AGTPBP1: variants seen among roughly 807,000 people sequenced by gnomAD.
AGTPBP1 encodes ATP/GTP binding carboxypeptidase 1.
A neutral mutation model predicts 143.9 loss-of-function variants in AGTPBP1; 70 were observed. The observed-to-expected ratio is 0.49, with a 90% confidence interval of 0.40 to 0.59. The LOEUF is 0.59. Among genes scored for constraint, AGTPBP1 ranks in the 20% least tolerant of loss-of-function variants. The pLI is 0.00. For synonymous variants in AGTPBP1, 463 were observed against 500.2 expected (o/e 0.93, Z 0.99); for missense variants, 1,229 against 1,464.5 (o/e 0.84, Z 2.62).
Position 85,651,336 on chromosome 9 carries a change from G to A in AGTPBP1, c.1087+3807C>T, listed in dbSNP as rs145900029. On this transcript the variant is annotated intron_variant, in intron 11 of 25. Coordinates refer to ENST00000357081, the MANE Select transcript of AGTPBP1 (RefSeq NM_001330701.2). ...TCCAGATGTTACCTTTACATTTGGCGAATATACATTTGGATTATTTGTATA... is the reference window on the plus strand; with the variant it reads ...TCCAGATGTTACCTTTACATTTGGCAAATATACATTTGGATTATTTGTATA... Among the ~76,000 whole-genome samples, 8 of 152,180 alleles carry A rather than the reference G, an allele frequency of 5.3e-5. No homozygotes were observed. The South Asian group carries it at 1.2e-3, about 24-fold the overall frequency.
At chr9:85,699,789 G>A (rs957098606) in intron 2 of AGTPBP1, among the ~76,000 whole-genome samples, 3 of 151,972 alleles carry the variant, frequency 2.0e-5, no homozygotes, top group African/African-American at 4.8e-5. Context: ...TACTAAACAC[G>A]TAACTGTTTT....
intron 2 of AGTPBP1, among the ~76,000 whole-genome samples, chr9:85,707,625 G>C (rs1215324393): frequency 6.6e-6 from 1 of 152,110 alleles, no homozygotes; most frequent in Admixed American, 6.5e-5. Context: ...CAACATAGAA[G>C]AAATGAACAA....
chr9:85,780,142 A>G, the AGTPBP1 span, among the ~76,000 whole-genome samples: 1 of 152,102 alleles, frequency 6.6e-6, no homozygotes, highest in Non-Finnish European at 1.5e-5. Context: ...CATTTTATAA[A>G]TATGCCAGTA....
the AGTPBP1 span, among the ~76,000 whole-genome samples, chr9:85,778,706 C>T: frequency 5.6e-4 from 85 of 152,334 alleles, no homozygotes; most frequent in Non-Finnish European, 9.8e-4. Context: ...CCGAATGCAG[C>T]AACTTATCCT....
At chr9:85,579,574 T>G (rs1051012377) in intron 23 of AGTPBP1, among the ~76,000 whole-genome samples, 1 of 138,392 alleles carries the variant, frequency 7.2e-6, no homozygotes, top group East Asian at 2.3e-4. Context: ...AAGTATACCC[T>G]GAGAAATTGT....
chr9:85,604,066 C>T (rs753738982), intron 17 of AGTPBP1, among the ~76,000 whole-genome samples: 15 of 152,130 alleles, frequency 9.9e-5, no homozygotes, highest in Non-Finnish European at 1.9e-4. Flanking sequence ...AAGTTCATTG[C>T]CCTAAAGGGC....
intron 10 of AGTPBP1, among the ~76,000 whole-genome samples, chr9:85,656,805 G>A (rs4877946): frequency 0.25 from 37,368 of 151,912 alleles, 5,213 homozygotes; most frequent in East Asian, 0.52. Flanking sequence ...GCAGGAAAAC[G>A]TGCAGAATAC....
At chr9:85,744,344 G>T (rs1012086816), upstream of AGTPBP1, among the ~76,000 whole-genome samples, 8 of 152,136 alleles carry the variant, frequency 5.3e-5, no homozygotes, top group African/African-American at 1.9e-4. Flanking sequence ...ATCATCTATG[G>T]AGTGTATTCC....
intron 13 of AGTPBP1, among the ~76,000 whole-genome samples, chr9:85,634,273 A>G (rs1452522372): frequency 6.6e-6 from 1 of 151,414 alleles, no homozygotes; most frequent in Non-Finnish European, 1.5e-5. Context: ...GAGCAGAGGT[A>G]GGTGGCAACT....
At chr9:85,797,288 AG>A in the AGTPBP1 span, among the ~76,000 whole-genome samples, 2 of 152,036 alleles carry the variant, frequency 1.3e-5, no homozygotes, top group African/African-American at 4.8e-5. Flanking sequence ...TTTTTACTTA[AG>A]GTAGAGACAA....
intron 23 of AGTPBP1, among the ~76,000 whole-genome samples, chr9:85,585,013 C>A (rs947732532): frequency 6.6e-6 from 1 of 151,942 alleles, no homozygotes; most frequent in African/African-American, 2.4e-5. Flanking sequence ...AAAAAAGAGT[C>A]AAAGCAATTT....
rs191638754 is a variant in AGTPBP1 at position 85,717,346 on chromosome 9, A to G, written c.-33-4780T>C. 5.1e-4 allele frequency among the ~76,000 whole-genome samples: 78 copies of G among 152,226 alleles called. 1 individual carries two copies. Among genetic ancestry groups the G allele is most frequent in the African/African-American group, 1.5e-3 (62 of 41,544 alleles). ...TAGCAAGAGCCCTTCTCTAAAAAAT[A>G]AAAAAATTAACTAGGTATGGTGGCA... is the stretch of plus-strand genomic sequence containing the variant. On this transcript the variant is annotated intron_variant, in intron 1 of 25. Transcript: ENST00000357081.
chr9:85,554,551 A>G (rs1343405541), intron 25 of AGTPBP1, among the ~76,000 whole-genome samples: 6 of 152,208 alleles, frequency 3.9e-5, no homozygotes, highest in Admixed American at 1.3e-4. Context: ...AAGAGGTTTC[A>G]TACATTTTGC....
intron 17 of AGTPBP1, among the ~76,000 whole-genome samples, chr9:85,611,170 T>C (rs1207871119): frequency 6.7e-6 from 1 of 148,874 alleles, no homozygotes; most frequent in Admixed American, 6.7e-5. Flanking sequence ...TTTTTTTTTT[T>C]TTTTGCATTT....
intron 3 of AGTPBP1, among the ~76,000 whole-genome samples, chr9:85,687,816 G>A (rs967338172): frequency 3.3e-5 from 5 of 152,026 alleles, no homozygotes; most frequent in Non-Finnish European, 7.4e-5. Context: ...GCGGCCAGGC[G>A]CGGTGGCTCA....
At chr9:85,624,218 A>G (rs1009287260) in intron 14 of AGTPBP1, among the ~76,000 whole-genome samples, 16 of 152,186 alleles carry the variant, frequency 1.1e-4, no homozygotes, top group African/African-American at 3.9e-4. Context: ...GCTAGAAAGA[A>G]GATTCAAGAT....
At chr9:85,727,480 G>A (rs1342971229) in intron 1 of AGTPBP1, among the ~76,000 whole-genome samples, 1 of 152,172 alleles carries the variant, frequency 6.6e-6, no homozygotes, top group Non-Finnish European at 1.5e-5. Context: ...ATTCAACAGT[G>A]TTTAAAGAAC....
chr9:85,589,801 A>C, intron 19 of AGTPBP1, 120 bp from the exon 20 acceptor site: 1 of 1,009,210 alleles, frequency 9.9e-7, no homozygotes, highest in African/African-American at 1.6e-5. Context: ...CCCCTTATCC[A>C]AAACCCTCAG....
the AGTPBP1 span, chr9:85,787,866 T>G: frequency 6.6e-6 from 1 of 152,224 alleles, no homozygotes; most frequent in Admixed American, 6.5e-5. Context: ...TTTTTTCTGA[T>G]GTAGTGCTGC....
Sources: gnomAD v4.1 joint callset for allele counts (sites outside exome capture counted in the v4.1 genomes callset) on GRCh38, gnomAD v4.1.1 for gene constraint, MANE v1.5 for transcripts, NCBI Gene and HGNC (gene_info 2026-07-23, HGNC 2026-07-21) for gene names.